The following SSH1 variants were observed in gnomAD, a reference collection of about 807,000 sequenced individuals.
SSH1 encodes slingshot protein phosphatase 1.
SSH1 carries 43 observed loss-of-function variants against 79.7 expected under a neutral mutation model. The ratio of observed to expected loss-of-function variants is 0.54; its 90% confidence interval spans 0.42 to 0.70. SSH1 has a LOEUF of 0.70. Among genes scored for constraint, SSH1 ranks in the 30% least tolerant of loss-of-function variants. The pLI is 0.00. For synonymous variants in SSH1, 599 were observed against 538.3 expected (o/e 1.11, Z -1.56); for missense variants, 1,206 against 1,358.8 (o/e 0.89, Z 1.77).
rs1392522088 is a variant in SSH1 at position 108,857,556 on chromosome 12, G to A, written c.-60C>T. ...TCGAGCTAGAGCCGCCACCGCCACCGCCGCCCGGGCCGGGCCCGGGGCCTC... is the reference window on the plus strand; with the variant it reads ...TCGAGCTAGAGCCGCCACCGCCACCACCGCCCGGGCCGGGCCCGGGGCCTC... On this transcript the variant is annotated 5_prime_UTR_variant, in exon 1 of 15. Transcript: ENST00000326495. This position sits in a 1 kb window ranked among gnomAD's most constrained non-coding sequence, Gnocchi z 4.7. 1.0e-5 allele frequency: 10 copies of A among 980,838 alleles called. 1 individual carries two copies. The South Asian group carries it at 2.5e-4, about 25-fold the overall frequency. The allele number at this position is 980,838 out of a possible 1,614,324, so 60.8% of individuals were successfully genotyped here. A position where few individuals can be genotyped will look rare whatever the true frequency, so the allele number is the denominator to read the frequency against.
At chr12:108,797,763 A>G (rs2036817245) in intron 13 of SSH1, among the ~76,000 whole-genome samples, 1 of 152,166 alleles carries the variant, frequency 6.6e-6, no homozygotes, top group African/African-American at 2.4e-5. Flanking sequence ...GGCTGCTTTC[A>G]TCACTCAGTA....
chr12:108,838,943 T>A (rs60718297), intron 2 of SSH1, among the ~76,000 whole-genome samples: 4 of 152,210 alleles, frequency 2.6e-5, no homozygotes, highest in Non-Finnish European at 5.9e-5. Flanking sequence ...CCTTACTTCA[T>A]CTTATTTTCT....
At chr12:108,806,562 C>T (rs1749830313) in intron 8 of SSH1, among the ~76,000 whole-genome samples, 168 bp from the exon 9 acceptor site, 1 of 152,174 alleles carries the variant, frequency 6.6e-6, no homozygotes, top group Non-Finnish European at 1.5e-5. Context: ...ACAGAAAACC[C>T]GCTGCAGCTC....
chr12:108,794,456 G>A (rs949567849), intron 13 of SSH1, among the ~76,000 whole-genome samples: 26 of 152,198 alleles, frequency 1.7e-4, no homozygotes, highest in African/African-American at 5.3e-4. Context: ...ACCTCTCAGC[G>A]TCAGCTCCTT....
chr12:108,805,008 C>G (rs772355830), intron 10 of SSH1, 48 bp downstream of exon 10: 1 of 1,606,856 alleles, frequency 6.2e-7, no homozygotes, highest in Non-Finnish European at 8.5e-7. Context: ...CAACCAGGGT[C>G]TGATTTATGT....
chr12:108,810,917 G>A (rs1024648899), intron 6 of SSH1, among the ~76,000 whole-genome samples: 6 of 152,228 alleles, frequency 3.9e-5, no homozygotes, highest in Non-Finnish European at 7.3e-5. Context: ...ATTAGTCCGT[G>A]AACTTTCAGG....
chr12:108,795,333 T>C (rs1463566918), intron 13 of SSH1, among the ~76,000 whole-genome samples: 1 of 151,938 alleles, frequency 6.6e-6, no homozygotes, highest in Non-Finnish European at 1.5e-5. Flanking sequence ...TCTCGGAACC[T>C]CTGCCTCTTG....
chr12:108,789,897 T>C (rs1263282687), intron 14 of SSH1, among the ~76,000 whole-genome samples: 1 of 152,152 alleles, frequency 6.6e-6, no homozygotes, highest in Admixed American at 6.5e-5. Flanking sequence ...TCCTACTATG[T>C]TGCCCAGGCT....
At chr12:108,831,425 C>T (rs973760021) in intron 2 of SSH1, among the ~76,000 whole-genome samples, 13 of 152,146 alleles carry the variant, frequency 8.5e-5, no homozygotes, top group African/African-American at 2.7e-4. Context: ...CTATTGTGTC[C>T]GGTCAGTGCT....
At position 108,787,181 on chromosome 12, in the gene SSH1, TCAA is replaced by T. The variant is rs2036301407; in HGVS notation, c.*804_*806del. Reference sequence around the variant, plus strand: ...AATCATGTGTTTCAGCAGCAGACACTCAACAATGCAGGTGGGCCCTTCCCCTTG... The same window carrying T: ...AATCATGTGTTTCAGCAGCAGACACTCAATGCAGGTGGGCCCTTCCCCTTG... On this transcript the variant is annotated 3_prime_UTR_variant, in exon 15 of 15. Transcript: ENST00000326495. The T allele has an allele frequency of 6.6e-6, 1 of 152,102 alleles. No individual in the cohort carries two copies. Among genetic ancestry groups the T allele is most frequent in the African/African-American group, 2.4e-5 (1 of 41,380 alleles). 9.4% of individuals were successfully genotyped at this position (152,102 alleles called of 1,614,324 possible). A position where few individuals can be genotyped will look rare whatever the true frequency, so the allele number is the denominator to read the frequency against.
intron 2 of SSH1, among the ~76,000 whole-genome samples, chr12:108,825,408 T>A (rs1321596629): frequency 6.6e-6 from 1 of 152,246 alleles, no homozygotes; most frequent in African/African-American, 2.4e-5. Context: ...GGAACTAGCA[T>A]TTCCAATCAG....
chr12:108,791,268 C>T (rs1232638728), intron 14 of SSH1, among the ~76,000 whole-genome samples: 1 of 152,112 alleles, frequency 6.6e-6, no homozygotes, highest in African/African-American at 2.4e-5. Context: ...CACCATCACA[C>T]CCAGCTAATT....
At chr12:108,827,247 G>A in intron 2 of SSH1, 1 of 1,541,080 alleles carries the variant, frequency 6.5e-7, no homozygotes, top group Non-Finnish European at 8.8e-7. Context: ...CCAGTAATCA[G>A]GGTGGTCATA....
At chr12:108,791,859 G>A (rs2036514792) in intron 14 of SSH1, 4 of 1,057,828 alleles carry the variant, frequency 3.8e-6, no homozygotes, top group Non-Finnish European at 4.8e-6. Flanking sequence ...ATCATCAGGG[G>A]TGTGGGGAAG....
chr12:108,792,912 A>C (rs1359672883), intron 13 of SSH1, 83 bp from the exon 14 acceptor site: 2 of 1,569,762 alleles, frequency 1.3e-6, no homozygotes, highest in African/African-American at 1.3e-5. Context: ...TGAGCCAGTG[A>C]GGGGCTGCCC....
In SSH1 at chr12:108,837,105, G is replaced by T. The variant is rs1388163245; in HGVS notation, c.111-13744C>A. 1.1e-5 allele frequency: 4 copies of T among 360,430 alleles called. No homozygotes were observed. In the East Asian group the frequency reaches 3.2e-4, roughly 28 times the overall value. 22.3% of individuals were successfully genotyped at this position (360,430 alleles called of 1,614,324 possible). The stretch of plus-strand genomic sequence containing the variant: ...AAATTAGCCGAGCGTGGTGGAGCAT[G>T]CCCGTAATCCCAGCTACTTGGGGCG... On this transcript the variant is annotated intron_variant, in intron 2 of 14. Transcript: ENST00000326495.
intron 2 of SSH1, among the ~76,000 whole-genome samples, chr12:108,840,165 C>T (rs1468156639): frequency 6.6e-6 from 1 of 152,106 alleles, no homozygotes; most frequent in Non-Finnish European, 1.5e-5. Context: ...CCCTGCATCC[C>T]GACACTGACT....
intron 7 of SSH1, 132 bp downstream of exon 7, chr12:108,809,561 G>T: frequency 8.0e-6 from 6 of 752,836 alleles, no homozygotes; most frequent in African/African-American, 1.7e-5. Context: ...TAAACTTTAT[G>T]TTACATGTAT....
chr12:108,804,770 T>C (rs2037191666), intron 10 of SSH1, among the ~76,000 whole-genome samples: 1 of 152,180 alleles, frequency 6.6e-6, no homozygotes, highest in Non-Finnish European at 1.5e-5. Flanking sequence ...GACAAAGGGT[T>C]TGCAAGAGTC....
Sources: gnomAD v4.1 joint callset for allele counts (sites outside exome capture counted in the v4.1 genomes callset) on GRCh38, gnomAD v4.1.1 for gene constraint, Gnocchi (gnomAD v3.1) non-coding constraint, MANE v1.5 for transcripts, NCBI Gene and HGNC (gene_info 2026-07-23, HGNC 2026-07-21) for gene names.